ESYT2: variants seen among roughly 807,000 people sequenced by gnomAD.
The protein encoded by ESYT2 is extended synaptotagmin-2.
ESYT2 carries 54 observed loss-of-function variants against 107.2 expected under a neutral mutation model. The ratio of observed to expected loss-of-function variants is 0.50; its 90% CI spans 0.40 to 0.63. The LOEUF (loss-of-function observed/expected upper bound fraction) is 0.63. ESYT2 is among the 30% of genes least tolerant of loss of function. ESYT2 has a pLI of 0.00. For missense variants in ESYT2, 1,020 were observed against 1,094.5 expected, an observed-to-expected ratio of 0.93 and a Z score of 0.96; for synonymous variants, 491 against 434.1, an observed-to-expected ratio of 1.13 and a Z score of -1.63.
intron 14 of ESYT2, among the ~76,000 whole-genome samples, chr7:158,751,087 C>T (rs115531043): frequency 1.2e-3 from 178 of 152,022 alleles, no homozygotes; most frequent in African/African-American, 4.1e-3. Flanking sequence ...CTTTTTTTTC[C>T]CCAATTTTCT....
Position 158,735,592 on chromosome 7 carries a change from A to G in ESYT2, c.2416T>C (p.Ser806Pro), listed in dbSNP as rs375961959. The part of the protein sequence containing the change: ...VFDQSFDFSV[S>P]LPEVQRRTLD... ...GTTCTCCTCTGCACTTCTGGTAACGAAACACTGAAATCAAAGCTGAAATAG... is the reference window on the plus strand; with the variant it reads ...GTTCTCCTCTGCACTTCTGGTAACGGAACACTGAAATCAAAGCTGAAATAG... The change falls in exon 21 of 23, where the codon TCG becomes CCG. Residue 806 changes from serine to proline, a missense_variant. By Grantham distance (74) the Ser-to-Pro change is moderately conservative. Transcript: ENST00000275418. The G allele has an allele frequency of 1.2e-6, 2 of 1,613,846 alleles. No homozygotes were observed. Among genetic ancestry groups the G allele is most frequent in the African/African-American group, 1.3e-5 (1 of 75,042 alleles).
chr7:158,793,777 C>A, intron 3 of ESYT2, 51 bp from the exon 4 acceptor site: 3 of 1,362,024 alleles, frequency 2.2e-6, no homozygotes, highest in Non-Finnish European at 3.1e-6. Flanking sequence ...AAAAAAAAAT[C>A]AAACCGTGTA....
At chr7:158,807,252 A>AG (rs1839856654) in intron 1 of ESYT2, among the ~76,000 whole-genome samples, 1 of 64,138 alleles carries the variant, frequency 1.6e-5, no homozygotes, top group African/African-American at 6.1e-5. Flanking sequence ...CTCCGTCTGA[A>AG]GGAAAAAAAA....
intron 19 of ESYT2, 92 bp downstream of exon 19, chr7:158,738,931 G>T: frequency 7.9e-7 from 1 of 1,259,178 alleles, no homozygotes; most frequent in Non-Finnish European, 1.1e-6. Flanking sequence ...ATAAATGGAT[G>T]TTTGGAAATC....
chr7:158,814,281 AAAAAAT>A (rs1263505460), intron 1 of ESYT2, among the ~76,000 whole-genome samples: 1 of 130,226 alleles, frequency 7.7e-6, no homozygotes, highest in Non-Finnish European at 1.6e-5. Context: ...CTCAAAAAAA[AAAAAAT>A]TATATATATA....
intron 6 of ESYT2, among the ~76,000 whole-genome samples, chr7:158,774,693 AT>A (rs1838486793): frequency 6.6e-6 from 1 of 152,268 alleles, no homozygotes; most frequent in Non-Finnish European, 1.5e-5. Flanking sequence ...GGATTCTATC[AT>A]TTAGTTCTGA....
At chr7:158,818,887 C>T (rs755228000) in intron 1 of ESYT2, among the ~76,000 whole-genome samples, 5 of 152,194 alleles carry the variant, frequency 3.3e-5, no homozygotes, top group South Asian at 4.1e-4. Context: ...AACCAGAGGC[C>T]GGTGGCCACA....
chr7:158,784,223 T>C (rs919305953), intron 6 of ESYT2, among the ~76,000 whole-genome samples: 8 of 152,182 alleles, frequency 5.3e-5, no homozygotes, highest in African/African-American at 1.7e-4. Flanking sequence ...AAGAGCAGGA[T>C]AAATACTGCA....
intron 17 of ESYT2, among the ~76,000 whole-genome samples, chr7:158,742,146 T>C (rs1837234711): frequency 6.6e-6 from 1 of 151,992 alleles, no homozygotes; most frequent in Non-Finnish European, 1.5e-5. Context: ...GGGGTGACCA[T>C]CGCGCACTAC....
intron 13 of ESYT2, among the ~76,000 whole-genome samples, chr7:158,758,596 A>G (rs534473125): frequency 6.6e-6 from 1 of 152,328 alleles, no homozygotes; most frequent in South Asian, 2.1e-4. Context: ...TTATGCAATG[A>G]ACAACTTGGG....
chr7:158,786,059 C>A (rs1203378433), intron 6 of ESYT2, among the ~76,000 whole-genome samples: 1 of 152,110 alleles, frequency 6.6e-6, no homozygotes, highest in African/African-American at 2.4e-5. Flanking sequence ...CACTGGAGTA[C>A]GTTTGATGAC....
chr7:158,736,094 G>A (rs769514721), intron 20 of ESYT2, among the ~76,000 whole-genome samples: 1 of 152,196 alleles, frequency 6.6e-6, no homozygotes, highest in Non-Finnish European at 1.5e-5. Context: ...TCAGCCAGAC[G>A]CTGCACTAAA....
At chr7:158,763,655 G>A (rs897391537) in intron 9 of ESYT2, among the ~76,000 whole-genome samples, 1 of 152,044 alleles carries the variant, frequency 6.6e-6, no homozygotes, top group African/African-American at 2.4e-5. Context: ...TCTTGAGGAC[G>A]GGAGGTCACT....
chr7:158,750,425 C>G (rs1375954907), intron 14 of ESYT2, among the ~76,000 whole-genome samples: 2 of 151,910 alleles, frequency 1.3e-5, no homozygotes, highest in Non-Finnish European at 2.9e-5. Flanking sequence ...ATAACTTAGC[C>G]CCACAAGAAG....
intron 3 of ESYT2, among the ~76,000 whole-genome samples, chr7:158,796,734 C>T (rs559995785): frequency 2.0e-4 from 30 of 152,002 alleles, no homozygotes; most frequent in African/African-American, 6.5e-4. Context: ...GCAGTGCGGG[C>T]GAGAGGGAAG....
intron 1 of ESYT2, among the ~76,000 whole-genome samples, chr7:158,821,325 G>A (rs1054411844): frequency 6.6e-6 from 1 of 152,142 alleles, no homozygotes; most frequent in African/African-American, 2.4e-5. Flanking sequence ...AGTAAAAGAA[G>A]ATCGCCTATT....
At chr7:158,784,837 T>C (rs1839052836) in intron 6 of ESYT2, among the ~76,000 whole-genome samples, 1 of 152,184 alleles carries the variant, frequency 6.6e-6, no homozygotes, top group Non-Finnish European at 1.5e-5. Context: ...GTTCAAAAGA[T>C]ACCAGCAGCC....
intron 1 of ESYT2, among the ~76,000 whole-genome samples, chr7:158,825,154 G>A (rs528781313): frequency 3.9e-5 from 6 of 152,234 alleles, no homozygotes; most frequent in South Asian, 2.1e-4. Context: ...TTAGCCAGAC[G>A]TGGTGACGGG....
rs1838440793 is a variant in ESYT2, at chr7:158,773,341, T to C, written c.803A>G (p.Asn268Ser). The change falls in exon 7 of 23, where the codon AAT becomes AGT. Residue 268 changes from asparagine (N) to serine (S), a missense_variant and splice_region_variant. Coordinates refer to ENST00000275418, the MANE Select transcript of ESYT2 (RefSeq NM_001367773.1). The stretch of plus-strand genomic sequence containing the variant: ...CTCCGGGACCAGACACGAGACTTAC[T>C]TCAATCCAGGGACATCCAGAAGATT... ...LTNLLDVPGL[N>S]GLSDTIILDI... 6.2e-7 allele frequency: 1 copy of C among 1,613,996 alleles called. No homozygotes were observed. Among genetic ancestry groups the C allele is most frequent in the Non-Finnish European group, 8.5e-7 (1 of 1,180,014 alleles).
Sources: gnomAD v4.1 joint callset for allele counts (sites outside exome capture counted in the v4.1 genomes callset) on GRCh38, gnomAD v4.1.1 for gene constraint, MANE v1.5 for transcripts, NCBI Gene and HGNC (gene_info 2026-07-23, HGNC 2026-07-21) for gene names.